The following PCDH9 variants were observed in gnomAD, a reference collection of about 807,000 sequenced individuals.
PCDH9 encodes protocadherin 9.
Under a neutral mutation model 70.6 loss-of-function variants are expected in PCDH9, and 24 were observed. The observed-to-expected ratio is 0.34, with a 90% CI of 0.25 to 0.48. The LOEUF is 0.48. Ranked by LOEUF, PCDH9 falls within the 20% of genes least tolerant of loss-of-function variation. The probability of loss-of-function intolerance (pLI) is 0.99; values close to 1 mark genes in which losing one functional copy is unlikely to be tolerated. For synonymous variants in PCDH9, 562 were observed against 558.5 expected (o/e 1.01, Z -0.09); for missense variants, 1,281 against 1,503.6 (o/e 0.85, Z 2.45).
At chr13:66,765,676 AT>A (rs1419592566) in intron 3 of PCDH9, among the ~76,000 whole-genome samples, 1 of 152,138 alleles carries the variant, frequency 6.6e-6, no homozygotes, top group Non-Finnish European at 1.5e-5. Flanking sequence ...AGGATAGTAG[AT>A]TGGGAATAAT....
chr13:66,514,961 T>C (rs9529077), intron 4 of PCDH9, among the ~76,000 whole-genome samples: 78,853 of 151,822 alleles, frequency 0.52, 21,724 homozygotes, highest in East Asian at 0.66. Flanking sequence ...CTTATTTCCA[T>C]TCTGTTTTGT....
chr13:66,871,197 A>G lies in PCDH9; in HGVS notation c.3138+32307T>C, dbSNP rs866895515. ...GGTGGGAATTGAACAATGAGATCAC[A>G]TGGACACATGAAGGGGAACATCACA... On this transcript the variant is annotated intron_variant, in intron 3 of 4. Transcript: ENST00000377865. Among the ~76,000 whole-genome samples the G allele has an allele frequency of 7.6e-3, 1,095 of 144,022 alleles. 10 individuals carry two copies. The highest frequency in any genetic ancestry group is 0.026 in the African/African-American group (1,018 of 39,134). The allele number at this position is 144,022 out of a possible 152,430, so 94.5% of individuals were successfully genotyped here.
At chr13:67,079,301 A>G (rs2085939080) in intron 2 of PCDH9, among the ~76,000 whole-genome samples, 1 of 152,166 alleles carries the variant, frequency 6.6e-6, no homozygotes, top group African/African-American at 2.4e-5. Flanking sequence ...GAAATCTATA[A>G]TTATCTACCA....
intron 2 of PCDH9, among the ~76,000 whole-genome samples, chr13:67,192,595 G>T (rs1288774400): frequency 1.3e-5 from 2 of 152,092 alleles, no homozygotes; most frequent in Non-Finnish European, 2.9e-5. Flanking sequence ...AAATTAGGGG[G>T]GTGGTATTAG....
chr13:67,086,185 T>C (rs1028127256), intron 2 of PCDH9, among the ~76,000 whole-genome samples: 2 of 152,180 alleles, frequency 1.3e-5, no homozygotes, highest in African/African-American at 2.4e-5. Flanking sequence ...ATTATATAAC[T>C]CAATAACAAA....
chr13:67,071,888 CA>C (rs5804309), intron 2 of PCDH9, among the ~76,000 whole-genome samples: 56,302 of 86,846 alleles, frequency 0.65, 14,886 homozygotes, highest in East Asian at 0.82. Context: ...GACTTTGTCT[CA>C]AAAAAAAAAA....
chr13:66,870,111 G>A (rs2081648579), intron 3 of PCDH9, among the ~76,000 whole-genome samples: 1 of 152,106 alleles, frequency 6.6e-6, no homozygotes, highest in Non-Finnish European at 1.5e-5. Context: ...AAGGTGTAAG[G>A]AAGGGATCCA....
chr13:66,751,058 G>A (rs1451593254), intron 3 of PCDH9, among the ~76,000 whole-genome samples: 2 of 152,112 alleles, frequency 1.3e-5, no homozygotes, highest in Admixed American at 1.3e-4. Flanking sequence ...ACATTCTCAT[G>A]CTTTTACTTA....
intron 3 of PCDH9, among the ~76,000 whole-genome samples, chr13:66,697,330 C>T (rs967840609): frequency 2.0e-4 from 31 of 152,014 alleles, no homozygotes; most frequent in African/African-American, 7.0e-4. Flanking sequence ...CATTGTCCAC[C>T]TCTCATATCA....
intron 2 of PCDH9, among the ~76,000 whole-genome samples, chr13:67,089,898 C>G (rs973417780): frequency 6.6e-6 from 1 of 151,884 alleles, no homozygotes; most frequent in Non-Finnish European, 1.5e-5. Flanking sequence ...GTACATGTAA[C>G]TACAATGATT....
intron 4 of PCDH9, among the ~76,000 whole-genome samples, chr13:66,458,264 T>C (rs1289247094): frequency 1.3e-5 from 2 of 152,054 alleles, no homozygotes; most frequent in African/African-American, 2.4e-5. Context: ...TTTTAGATCA[T>C]AATTTTATTC....
intron 3 of PCDH9, among the ~76,000 whole-genome samples, chr13:66,736,841 C>T (rs967421226): frequency 6.6e-6 from 1 of 152,194 alleles, no homozygotes; most frequent in Non-Finnish European, 1.5e-5. Flanking sequence ...CATGCAGAAA[C>T]TAGCTCTCTT....
At chr13:66,531,215 C>A (rs184146877) in intron 4 of PCDH9, among the ~76,000 whole-genome samples, 1 of 151,814 alleles carries the variant, frequency 6.6e-6, no homozygotes, top group Non-Finnish European at 1.5e-5. Context: ...ACCGGCTAGG[C>A]TAAAGAACAA....
At chr13:66,517,474 G>A (rs1390401956) in intron 4 of PCDH9, among the ~76,000 whole-genome samples, 1 of 151,988 alleles carries the variant, frequency 6.6e-6, no homozygotes, top group Non-Finnish European at 1.5e-5. Context: ...GGCATTCTTA[G>A]ACATTTCTGT....
intron 3 of PCDH9, among the ~76,000 whole-genome samples, chr13:66,766,530 C>T (rs769217320): frequency 1.3e-5 from 2 of 151,712 alleles, no homozygotes; most frequent in Admixed American, 6.6e-5. Flanking sequence ...GTGTAGATAG[C>T]ACAGCAGTAG....
At chr13:66,842,236 T>C (rs2081128386) in intron 3 of PCDH9, among the ~76,000 whole-genome samples, 1 of 152,202 alleles carries the variant, frequency 6.6e-6, no homozygotes, top group Non-Finnish European at 1.5e-5. Context: ...TAGTCACCTT[T>C]ATGTCTGAGG....
intron 3 of PCDH9, among the ~76,000 whole-genome samples, chr13:66,869,428 A>G (rs2081632613): frequency 6.6e-6 from 1 of 152,044 alleles, no homozygotes; most frequent in Non-Finnish European, 1.5e-5. Context: ...CTTCTCTTTG[A>G]AGAGAGGTCA....
intron 3 of PCDH9, among the ~76,000 whole-genome samples, chr13:66,892,261 C>A (rs1375338978): frequency 2.0e-5 from 3 of 148,670 alleles, no homozygotes; most frequent in East Asian, 3.9e-4. Context: ...TATACACACA[C>A]ACGTAATGTA....
intron 4 of PCDH9, among the ~76,000 whole-genome samples, chr13:66,392,149 C>T (rs1002615787): frequency 2.6e-5 from 4 of 150,974 alleles, no homozygotes; most frequent in African/African-American, 9.8e-5. Context: ...AATTTGTCAA[C>T]TGAAACTGAA....
Sources: allele counts gnomAD v4.1 joint callset (sites outside exome capture counted in the v4.1 genomes callset), GRCh38; gene constraint gnomAD v4.1.1; transcripts MANE v1.5; gene names NCBI Gene and HGNC (gene_info 2026-07-23, HGNC 2026-07-21).